H2AC21: variants seen among roughly 807,000 people sequenced by gnomAD.
H2AC21 encodes the protein H2A clustered histone 21.
In H2AC21, 3 loss-of-function variants were observed where a neutral mutation model predicts 7.7. The observed-to-expected ratio is 0.39, with a 90% CI of 0.18 to 1.01. The LOEUF (loss-of-function observed/expected upper bound fraction) is 1.01, where lower values mean the gene tolerates loss of function less well. Ranked by LOEUF, H2AC21 falls within the 50% of genes least tolerant of loss-of-function variation. The pLI is 0.36. For missense variants in H2AC21, 173 were observed against 177.9 expected, an observed-to-expected ratio of 0.97 and a Z score of 0.16; for synonymous variants, 119 against 84.2, an observed-to-expected ratio of 1.41 and a Z score of -2.26.
chr1:149,887,756 G>A lies in H2AC21; in HGVS notation c.161C>T (p.Ala54Val), dbSNP rs2092316626. The A allele has an allele frequency of 6.8e-6, 11 of 1,614,138 alleles. No homozygotes were observed. The highest frequency in any genetic ancestry group is 9.3e-6 in the Non-Finnish European group (11 of 1,179,992). The change falls in exon 1 of 1, where the codon GCG (alanine) becomes GTG (valine). Residue 54 changes from alanine (A) to valine (V), a missense_variant. Transcript: ENST00000331128. Reference protein sequence around the residue: ...VGAGAPVYLAAVLEYLTAEIL... With the variant: ...VGAGAPVYLAVVLEYLTAEIL... ...TTCCGCGGTCAGGTACTCGAGGACC[G>A]CCGCCAGGTACACCGGGGCGCCTGC...
rs1559776188 is a variant in H2AC21 at position 149,887,939 on chromosome 1, G to A, written c.-23C>T. 4.4e-6 allele frequency: 7 copies of A among 1,595,948 alleles called. No homozygotes were observed. The highest frequency in any genetic ancestry group is 6.0e-6 in the Non-Finnish European group (7 of 1,171,794). On this transcript the variant is annotated 5_prime_UTR_variant, in exon 1 of 1. Transcript: ENST00000331128. ...CATTACGGCTAAAATTGCAGTTACA[G>A]CTTCTTTTACAAGGAGAAGAATGTG...
Position 149,887,470 on chromosome 1 carries a change from G to GGTGGCTCTTGT in H2AC21, c.*53_*54insACAAGAGCCAC. 1 of 1,564,784 alleles carries GGTGGCTCTTGT rather than the reference G, an allele frequency of 6.4e-7. No individual in the cohort carries two copies. The highest frequency in any genetic ancestry group is 1.2e-5 in the South Asian group (1 of 82,956). On this transcript the variant is annotated 3_prime_UTR_variant, in exon 1 of 1. Transcript: ENST00000331128. ...TGATCAGCCCTTCATTTGACACTTT[G>GGTGGCTCTTGT]GTGGCTCTTAAAAGAGCCTTTGGGG...
chr1:149,887,724 C>T lies in H2AC21; in HGVS notation c.193G>A (p.Glu65Lys). The change falls in exon 1 of 1, where the codon GAG becomes AAG. Residue 65 changes from glutamate (E) to lysine (K), a missense_variant. Transcript: ENST00000331128. ...VLEYLTAEIL[E>K]LAGNAARDNK... ...TCCCGAGCCGCGTTGCCCGCCAGCT[C>T]CAGAATTTCCGCGGTCAGGTACTCG... 6.2e-7 allele frequency: 1 copy of T among 1,614,248 alleles called. No homozygotes were observed. Among genetic ancestry groups the T allele is most frequent in the Middle Eastern group, 1.6e-4 (1 of 6,062 alleles).
Position 149,887,886 on chromosome 1 carries a change from C to T in H2AC21, c.31G>A (p.Ala11Thr). The T allele has an allele frequency of 6.2e-7, 1 of 1,613,230 alleles. No homozygotes were observed. The highest frequency in any genetic ancestry group is 2.2e-5 in the East Asian group (1 of 44,858). Residue 11 changes from alanine to threonine, a missense_variant, in exon 1 of 1, where the codon GCC (alanine) becomes ACC (threonine). Ala to Thr is a moderately conservative substitution (Grantham distance 58, BLOSUM62 0). Transcript: ENST00000331128. MSGRGKQGGK[A>T]RAKAKSRSSR... is the part of the protein sequence containing the mutation. Reference sequence around the variant, plus strand: ...GAGCGCGACTTGGCCTTAGCGCGGGCCTTGCCTCCCTGCTTTCCGCGTCCT... The same window carrying T: ...GAGCGCGACTTGGCCTTAGCGCGGGTCTTGCCTCCCTGCTTTCCGCGTCCT...
Position 149,887,671 on chromosome 1 carries a change from G to A in H2AC21, c.246C>T (p.Arg82=). ...CATTCCTCACGGCTAGTTGCAGATGGCGAGGGATGATGCGCGTCTTCTTGT... is the reference window on the plus strand; with the variant it reads ...CATTCCTCACGGCTAGTTGCAGATGACGAGGGATGATGCGCGTCTTCTTGT... ...RDNKKTRIIP[R]HLQLAVRNDE... is the part of the protein sequence containing the mutation. The change falls in exon 1 of 1, where the codon CGC becomes CGT. Residue 82 remains arginine (R), a synonymous_variant. Transcript: ENST00000331128. 6.2e-7 allele frequency: 1 copy of A among 1,614,192 alleles called. No individual in the cohort carries two copies. The highest frequency in any genetic ancestry group is 8.5e-7 in the Non-Finnish European group (1 of 1,180,032).
In H2AC21 at chr1:149,887,879, G is replaced by A. The variant is rs373049405; in HGVS notation, c.38C>T (p.Ala13Val). The A allele has an allele frequency of 1.2e-5, 19 of 1,613,602 alleles. No homozygotes were observed. Among genetic ancestry groups the A allele is most frequent in the South Asian group, 7.7e-5 (7 of 91,018 alleles). ...GRGKQGGKAR[A>V]KAKSRSSRAG... ...GCGGGACGAGCGCGACTTGGCCTTAGCGCGGGCCTTGCCTCCCTGCTTTCC... is the reference window on the plus strand; with the variant it reads ...GCGGGACGAGCGCGACTTGGCCTTAACGCGGGCCTTGCCTCCCTGCTTTCC... Residue 13 changes from alanine (A) to valine (V), a missense_variant, in exon 1 of 1, where the codon GCT (alanine) becomes GTT (valine). Coordinates refer to ENST00000331128, the MANE Select transcript of H2AC21 (RefSeq NM_175065.3).
chr1:149,887,742 G>A lies in H2AC21; in HGVS notation c.175C>T (p.Leu59=), dbSNP rs587610486. Reference sequence around the variant, plus strand: ...GCCAGCTCCAGAATTTCCGCGGTCAGGTACTCGAGGACCGCCGCCAGGTAC... The same window carrying A: ...GCCAGCTCCAGAATTTCCGCGGTCAAGTACTCGAGGACCGCCGCCAGGTAC... The part of the protein sequence containing the change: ...PVYLAAVLEY[L]TAEILELAGN... The change falls in exon 1 of 1, where the codon CTG becomes TTG. Residue 59 remains leucine (L), a synonymous_variant. Transcript: ENST00000331128. The A allele has an allele frequency of 1.2e-6, 2 of 1,614,180 alleles. No homozygotes were observed. Among genetic ancestry groups the A allele is most frequent in the East Asian group, 2.2e-5 (1 of 44,880 alleles).
chr1:149,887,509 T>C lies in H2AC21; in HGVS notation c.*15A>G, dbSNP rs12118591. ...GAGCCTTTGGGGTGAATGAGTATGG[T>C]GTCAAGCCTCTTAATTACTTGTTCT... is the stretch of plus-strand genomic sequence containing the variant. On this transcript the variant is annotated 3_prime_UTR_variant, in exon 1 of 1. Coordinates refer to ENST00000331128, the MANE Select transcript of H2AC21 (RefSeq NM_175065.3). The C allele has an allele frequency of 1.2e-6, 2 of 1,603,758 alleles. No individual in the cohort carries two copies. The highest frequency in any genetic ancestry group is 1.3e-5 in the African/African-American group (1 of 74,624).
chr1:149,887,503 G>T lies in H2AC21; in HGVS notation c.*21C>A. On this transcript the variant is annotated 3_prime_UTR_variant, in exon 1 of 1. Transcript: ENST00000331128. ...TTAAAAGAGCCTTTGGGGTGAATGA[G>T]TATGGTGTCAAGCCTCTTAATTACT... The T allele has an allele frequency of 6.3e-7, 1 of 1,597,492 alleles. No homozygotes were observed. The highest frequency in any genetic ancestry group is 8.5e-7 in the Non-Finnish European group (1 of 1,171,132).
chr1:149,887,640 CT>C lies in H2AC21; in HGVS notation c.276del (p.Glu93SerfsTer40), dbSNP rs782545100. On this transcript the variant is annotated frameshift_variant, in exon 1 of 1. Coordinates refer to ENST00000331128, the MANE Select transcript of H2AC21 (RefSeq NM_175065.3). LOFTEE classifies it high-confidence loss of function. ...RHLQLAVRNDEELNKLLGGVT... is the reference protein window; with the variant it reads ...RHLQLAVRNDXELNKLLGGVT... ...ACACCCCCGAGTAACTTGTTGAGCT[CT>C]TCGTCATTCCTCACGGCTAGTTGCA... 6.2e-7 allele frequency: 1 copy of C among 1,614,110 alleles called. No individual in the cohort carries two copies. The highest frequency in any genetic ancestry group is 8.5e-7 in the Non-Finnish European group (1 of 1,180,056).
Position 149,887,865 on chromosome 1 carries a change from G to T in H2AC21, c.52C>A (p.Arg18Ser). ...GGKARAKAKSRSSRAGLQFPV... is the reference protein window; with the variant it reads ...GGKARAKAKSSSSRAGLQFPV... Reference sequence around the variant, plus strand: ...AACTGGAGACCAGCGCGGGACGAGCGCGACTTGGCCTTAGCGCGGGCCTTG... The same window carrying T: ...AACTGGAGACCAGCGCGGGACGAGCTCGACTTGGCCTTAGCGCGGGCCTTG... The change falls in exon 1 of 1, where the codon CGC (arginine) becomes AGC (serine). Residue 18 changes from arginine to serine, a missense_variant. Arg to Ser is a moderately radical substitution (Grantham distance 110). Transcript: ENST00000331128. 6.2e-7 allele frequency: 1 copy of T among 1,613,912 alleles called. No individual in the cohort carries two copies. Among genetic ancestry groups the T allele is most frequent in the Non-Finnish European group, 8.5e-7 (1 of 1,179,892 alleles).
chr1:149,887,484 G>A lies in H2AC21; in HGVS notation c.*40C>T. On this transcript the variant is annotated 3_prime_UTR_variant, in exon 1 of 1. Coordinates refer to ENST00000331128, the MANE Select transcript of H2AC21 (RefSeq NM_175065.3). ...TTTGACACTTTGGTGGCTCTTAAAA[G>A]AGCCTTTGGGGTGAATGAGTATGGT... The A allele has an allele frequency of 6.4e-7, 1 of 1,572,248 alleles. No individual in the cohort carries two copies. The highest frequency in any genetic ancestry group is 1.2e-5 in the South Asian group (1 of 84,588).
Position 149,887,530 on chromosome 1 carries a change from GTTCTTGCCAGGCTTGTGACTCTCCGTT to G in H2AC21, c.360_386del (p.Lys120_Lys128del). 6.2e-7 allele frequency: 1 copy of G among 1,610,422 alleles called. No homozygotes were observed. The highest frequency in any genetic ancestry group is 8.5e-7 in the Non-Finnish European group (1 of 1,177,856). ...ATGGTGTCAAGCCTCTTAATTACTTGTTCTTGCCAGGCTTGTGACTCTCCGTTTTCTTGGGCAACAGGACAGCCTGGA... is the reference window on the plus strand; with the variant it reads ...ATGGTGTCAAGCCTCTTAATTACTTGTTCTTGGGCAACAGGACAGCCTGGA... On this transcript the variant is annotated inframe_deletion, in exon 1 of 1. Transcript: ENST00000331128.
chr1:149,887,913 A>C lies in H2AC21; in HGVS notation c.4T>G (p.Ser2Ala). 2 of 1,609,360 alleles carry C rather than the reference A, an allele frequency of 1.2e-6. No individual in the cohort carries two copies. The highest frequency in any genetic ancestry group is 2.2e-5 in the South Asian group (2 of 90,678). The change falls in exon 1 of 1, where the codon TCA (serine) becomes GCA (alanine). Residue 2 changes from serine (S) to alanine (A), a missense_variant. Ser to Ala is a moderately conservative substitution (Grantham distance 99, BLOSUM62 1). Coordinates refer to ENST00000331128, the MANE Select transcript of H2AC21 (RefSeq NM_175065.3). ...TTGCCTCCCTGCTTTCCGCGTCCTG[A>C]CATTACGGCTAAAATTGCAGTTACA... is the stretch of plus-strand genomic sequence containing the variant. M[S>A]GRGKQGGKAR...
In H2AC21 at chr1:149,887,819, C is replaced by T; in HGVS notation, c.98G>A (p.Arg33His). Residue 33 changes from arginine to histidine, a missense_variant, in exon 1 of 1, where the codon CGC (arginine) becomes CAC (histidine). Coordinates refer to ENST00000331128, the MANE Select transcript of H2AC21 (RefSeq NM_175065.3). Reference protein sequence around the residue: ...GLQFPVGRVHRLLRKGNYAER... With the variant: ...GLQFPVGRVHHLLRKGNYAER... ...CGCGTAGTTGCCTTTGCGCAGCAAG[C>T]GGTGCACTCGCCCCACCGGGAACTG... The T allele has an allele frequency of 6.2e-7, 1 of 1,613,980 alleles. No individual in the cohort carries two copies.
chr1:149,887,920 G>T lies in H2AC21; in HGVS notation c.-4C>A, dbSNP rs782466280. ...CCTGCTTTCCGCGTCCTGACATTAC[G>T]GCTAAAATTGCAGTTACAGCTTCTT... On this transcript the variant is annotated 5_prime_UTR_variant, in exon 1 of 1. Transcript: ENST00000331128. 3 of 1,605,012 alleles carry T rather than the reference G, an allele frequency of 1.9e-6. No individual in the cohort carries two copies. In the South Asian group the frequency reaches 3.3e-5, roughly 18 times the overall value.
Position 149,887,552 on chromosome 1 carries a change from T to TC in H2AC21, c.364dup (p.Glu122GlyfsTer?). On this transcript the variant is annotated frameshift_variant, in exon 1 of 1. Coordinates refer to ENST00000331128, the MANE Select transcript of H2AC21 (RefSeq NM_175065.3). LOFTEE classifies it high-confidence loss of function. ...CTTGTTCTTGCCAGGCTTGTGACTC[T>TC]CCGTTTTCTTGGGCAACAGGACAGC... The TC allele has an allele frequency of 6.2e-7, 1 of 1,613,512 alleles. No homozygotes were observed. The highest frequency in any genetic ancestry group is 8.5e-7 in the Non-Finnish European group (1 of 1,179,710).
rs368577226 is a variant in H2AC21 at position 149,887,911 on chromosome 1, T to C, written c.6A>G (p.Ser2=). The C allele has an allele frequency of 1.9e-6, 3 of 1,610,140 alleles. No individual in the cohort carries two copies. The highest frequency in any genetic ancestry group is 2.5e-6 in the Non-Finnish European group (3 of 1,178,256). Residue 2 remains serine (S), a synonymous_variant, in exon 1 of 1, where the codon TCA becomes TCG. Coordinates refer to ENST00000331128, the MANE Select transcript of H2AC21 (RefSeq NM_175065.3). The part of the protein sequence containing the change: M[S]GRGKQGGKAR... ...CCTTGCCTCCCTGCTTTCCGCGTCC[T>C]GACATTACGGCTAAAATTGCAGTTA...
In H2AC21 at chr1:149,887,552, TCC is replaced by T. The variant is rs782632390; in HGVS notation, c.363_364del (p.His124GlnfsTer?). 1.2e-6 allele frequency: 2 copies of T among 1,613,512 alleles called. No homozygotes were observed. Among genetic ancestry groups the T allele is most frequent in the South Asian group, 1.1e-5 (1 of 91,064 alleles). On this transcript the variant is annotated frameshift_variant, in exon 1 of 1. Coordinates refer to ENST00000331128, the MANE Select transcript of H2AC21 (RefSeq NM_175065.3). LOFTEE classifies it high-confidence loss of function. Reference sequence around the variant, plus strand: ...CTTGTTCTTGCCAGGCTTGTGACTCTCCGTTTTCTTGGGCAACAGGACAGCCT... The same window carrying T: ...CTTGTTCTTGCCAGGCTTGTGACTCTGTTTTCTTGGGCAACAGGACAGCCT...
Sources: gnomAD v4.1 joint callset for allele counts on GRCh38, gnomAD v4.1.1 for gene constraint, MANE v1.5 for transcripts, NCBI Gene and HGNC (gene_info 2026-07-23, HGNC 2026-07-21) for gene names.